MTUS1: variants seen among roughly 807,000 people sequenced by gnomAD.
The protein encoded by MTUS1 is microtubule associated scaffold protein 1, also known as microtubule-associated tumor suppressor 1.
Under a neutral mutation model 120.8 loss-of-function variants are expected in MTUS1, and 109 were observed. The observed-to-expected ratio is 0.90, with a 90% confidence interval of 0.77 to 1.06. The LOEUF (loss-of-function observed/expected upper bound fraction) is 1.06. MTUS1 is among the 50% of genes least tolerant of loss of function. The probability of loss-of-function intolerance (pLI) is 0.00; values close to 1 mark genes in which losing one functional copy is unlikely to be tolerated. For missense variants in MTUS1, 2,210 were observed against 1,486.3 expected (o/e 1.49, Z -8.01); for synonymous variants, 737 against 550.5 (o/e 1.34, Z -4.74).
chr8:17,699,463 C>T (rs920345846), intron 6 of MTUS1, among the ~76,000 whole-genome samples: 1 of 152,164 alleles, frequency 6.6e-6, no homozygotes, highest in Non-Finnish European at 1.5e-5. Context: ...GATCCACACA[C>T]CTCGGCCTCC....
chr8:17,669,511 T>C (rs1811574332), intron 8 of MTUS1, among the ~76,000 whole-genome samples: 1 of 152,148 alleles, frequency 6.6e-6, no homozygotes, highest in Non-Finnish European at 1.5e-5. Context: ...TCTGGATTTT[T>C]TCCCCCAAGG....
chr8:17,738,832 T>G lies in MTUS1; in HGVS notation c.2287+4772A>C, dbSNP rs148247721. Among the ~76,000 whole-genome samples the G allele has an allele frequency of 2.8e-3, 424 of 152,158 alleles. 1 individual carries two copies. Among genetic ancestry groups the G allele is most frequent in the African/African-American group, 9.9e-3 (412 of 41,514 alleles). On this transcript the variant is annotated intron_variant, in intron 3 of 14. Coordinates refer to ENST00000693296, the MANE Select transcript of MTUS1 (RefSeq NM_001363059.2). The stretch of plus-strand genomic sequence containing the variant: ...ACCATTCAGCTGGGCAACAAGAATT[T>G]TAATTTTTAAAAAAATTAAACGTTA...
At chr8:17,683,650 A>G (rs933231543) in intron 7 of MTUS1, among the ~76,000 whole-genome samples, 4 of 152,114 alleles carry the variant, frequency 2.6e-5, no homozygotes, top group Admixed American at 2.6e-4. Context: ...CTGTGATTTA[A>G]AAAATGTCTG....
Position 17,755,752 on chromosome 8 carries a change from G to C in MTUS1, c.56C>G (p.Thr19Ser). 1 of 1,613,112 alleles carries C rather than the reference G, an allele frequency of 6.2e-7. No individual in the cohort carries two copies. The highest frequency in any genetic ancestry group is 8.5e-7 in the Non-Finnish European group (1 of 1,179,246). ...ATGTGTATTTCCATCTTTATCACTG[G>C]TAAAGAAGGTTTGCAATTCATCTTC... The part of the protein sequence containing the change: ...KIEDELQTFF[T>S]SDKDGNTHAY... The change falls in exon 2 of 15, where the codon ACC becomes AGC. Residue 19 changes from threonine (T) to serine (S), a missense_variant. Coordinates refer to ENST00000693296, the MANE Select transcript of MTUS1 (RefSeq NM_001363059.2).
chr8:17,709,973 C>T (rs564292332), intron 6 of MTUS1, among the ~76,000 whole-genome samples: 4 of 151,590 alleles, frequency 2.6e-5, no homozygotes, highest in Non-Finnish European at 5.9e-5. Flanking sequence ...TGCCACTGCA[C>T]TCCAGCCTGG....
intron 6 of MTUS1, chr8:17,691,314 G>C (rs1303436171): frequency 6.6e-6 from 1 of 152,222 alleles, no homozygotes; most frequent in Non-Finnish European, 1.5e-5. Context: ...CCTATTGTGA[G>C]CAAAACTTGC....
intron 6 of MTUS1, among the ~76,000 whole-genome samples, chr8:17,686,339 A>C (rs1160271578): frequency 6.6e-6 from 1 of 152,248 alleles, no homozygotes; most frequent in Non-Finnish European, 1.5e-5. Flanking sequence ...AAATGTAATA[A>C]TATCTTGCTA....
intron 1 of MTUS1, among the ~76,000 whole-genome samples, chr8:17,785,727 A>T (rs1020125071): frequency 5.3e-5 from 8 of 152,208 alleles, no homozygotes. Flanking sequence ...GCACATTTGG[A>T]ACCTCTGATC....
chr8:17,762,955 A>G (rs575758664), intron 1 of MTUS1, among the ~76,000 whole-genome samples: 1 of 151,100 alleles, frequency 6.6e-6, no homozygotes, highest in East Asian at 2.0e-4. Context: ...ATCAAAAACA[A>G]CAGTGGCTGT....
At chr8:17,671,274 TAAA>T (rs560135727) in intron 8 of MTUS1, among the ~76,000 whole-genome samples, 27 of 139,872 alleles carry the variant, frequency 1.9e-4, no homozygotes, top group South Asian at 9.2e-4. Context: ...TACATTGTTC[TAAA>T]AAAAAAAAAA....
At chr8:17,777,457 A>T (rs2050542273) in intron 1 of MTUS1, among the ~76,000 whole-genome samples, 1 of 151,956 alleles carries the variant, frequency 6.6e-6, no homozygotes, top group African/African-American at 2.4e-5. Flanking sequence ...AAAAAGAAAA[A>T]AAAAAAAAAA....
At chr8:17,792,007 A>C (rs1284404638) in intron 1 of MTUS1, among the ~76,000 whole-genome samples, 1 of 152,156 alleles carries the variant, frequency 6.6e-6, no homozygotes, top group East Asian at 1.9e-4. Flanking sequence ...AATTTCACTC[A>C]AGGTCACATG....
chr8:17,780,995 A>G (rs910920893), intron 1 of MTUS1: 1 of 152,252 alleles, frequency 6.6e-6, no homozygotes, highest in African/African-American at 2.4e-5. Context: ...GGAAGAATCT[A>G]GGAAACTCAA....
Position 17,738,965 on chromosome 8 carries a change from C to T in MTUS1, c.2287+4639G>A, listed in dbSNP as rs548999323. On this transcript the variant is annotated intron_variant, in intron 3 of 14. Coordinates refer to ENST00000693296, the MANE Select transcript of MTUS1 (RefSeq NM_001363059.2). ...ACCAGCCTGGGCAACAAAGTGAGAC[C>T]CCCCCATCTCTACAAAAATATATAA... is the stretch of plus-strand genomic sequence containing the variant. Among the ~76,000 whole-genome samples, 253 of 151,290 alleles carry T rather than the reference C, an allele frequency of 1.7e-3. 1 individual carries two copies. The highest frequency in any genetic ancestry group is 6.0e-3 in the African/African-American group (247 of 41,156).
intron 4 of MTUS1, chr8:17,721,861 TCA>T: frequency 6.2e-7 from 1 of 1,614,012 alleles, no homozygotes; most frequent in South Asian, 1.1e-5. Context: ...TGAAGAAATA[TCA>T]GTTTCTGTAC....
At chr8:17,788,627 A>G (rs182769917) in intron 1 of MTUS1, among the ~76,000 whole-genome samples, 3 of 152,320 alleles carry the variant, frequency 2.0e-5, no homozygotes, top group East Asian at 1.9e-4. Context: ...GTCCTAACTC[A>G]GCCGACTTCT....
rs148158922 is a variant in MTUS1 at position 17,707,285 on chromosome 8, G to C, written c.2623+5929C>G. Among the ~76,000 whole-genome samples the C allele has an allele frequency of 1.3e-3, 205 of 152,214 alleles. 1 individual carries two copies. Among genetic ancestry groups the C allele is most frequent in the African/African-American group, 4.7e-3 (196 of 41,526 alleles). ...TTCAATGATCCACCCAAAGTCACTGGCTTTTCAGCATCATTTTTCAGCATC... is the reference window on the plus strand; with the variant it reads ...TTCAATGATCCACCCAAAGTCACTGCCTTTTCAGCATCATTTTTCAGCATC... On this transcript the variant is annotated intron_variant, in intron 6 of 14. Coordinates refer to ENST00000693296, the MANE Select transcript of MTUS1 (RefSeq NM_001363059.2).
rs544070558 is a variant in MTUS1, at chr8:17,644,790, G to C, written c.*1136C>G. On this transcript the variant is annotated 3_prime_UTR_variant, in exon 15 of 15. Transcript: ENST00000693296. ...CCCAAAATTTGTAATATCAAATCCA[G>C]GCTTTAGTTTATTTGGAAAGTGGTT... The C allele has an allele frequency of 6.6e-6, 1 of 152,258 alleles. No individual in the cohort carries two copies. The highest frequency in any genetic ancestry group is 2.1e-4 in the South Asian group (1 of 4,820). 9.4% of individuals were successfully genotyped at this position (152,258 alleles called of 1,614,324 possible). A position where few individuals can be genotyped will look rare whatever the true frequency, so the allele number is the denominator to read the frequency against.
intron 1 of MTUS1, among the ~76,000 whole-genome samples, chr8:17,772,822 A>T (rs1214179029): frequency 6.6e-6 from 1 of 152,224 alleles, no homozygotes; most frequent in Non-Finnish European, 1.5e-5. Flanking sequence ...CACCAAAAAA[A>T]CACACAAAGG....
Sources: allele counts gnomAD v4.1 joint callset (sites outside exome capture counted in the v4.1 genomes callset), GRCh38; gene constraint gnomAD v4.1.1; transcripts MANE v1.5; gene names NCBI Gene and HGNC (gene_info 2026-07-23, HGNC 2026-07-21).